The following RARB variants were observed in gnomAD, a reference collection of about 807,000 sequenced individuals.
RARB encodes the protein HBV-activated protein.
In RARB, 17 loss-of-function variants were observed where a neutral mutation model predicts 51.9. That is an observed-to-expected ratio of 0.33 (90% CI 0.22 to 0.49). RARB has a LOEUF of 0.49. RARB is among the 20% of genes least tolerant of loss of function. The pLI, the probability that RARB is intolerant of heterozygous loss-of-function variation, is 0.99. For synonymous variants in RARB, 215 were observed against 195.4 expected (o/e 1.10, Z -0.84); for missense variants, 369 against 550.8 (o/e 0.67, Z 3.30).
At chr3:25,395,394 T>G (rs1707087205) in intron 5 of RARB, among the ~76,000 whole-genome samples, 1 of 152,178 alleles carries the variant, frequency 6.6e-6, no homozygotes, top group Admixed American at 6.5e-5. Context: ...GATCTTTTTT[T>G]GCAATGAATT....
rs550597509 is a variant in RARB, at chr3:25,332,223, AAAAG to A, written c.179-128968_179-128965del. On this transcript the variant is annotated intron_variant, in intron 5 of 11. Transcript: ENST00000383772. ...CAAAGCATGGCAGAGACACAACAAA[AAAAG>A]AGAATTGTAGACCAATATCCCTGAT... Among the ~76,000 whole-genome samples the A allele has an allele frequency of 4.5e-3, 682 of 152,308 alleles. 5 individuals carry two copies. Among genetic ancestry groups the A allele is most frequent in the African/African-American group, 0.015 (637 of 41,558 alleles).
intron 2 of RARB, among the ~76,000 whole-genome samples, chr3:24,868,875 C>A (rs748873531): frequency 1.3e-5 from 2 of 152,098 alleles, no homozygotes; most frequent in African/African-American, 2.4e-5. Flanking sequence ...CCTTTCTGGG[C>A]CAAACCAATG....
At chr3:25,206,004 A>G (rs1701535262) in intron 5 of RARB, among the ~76,000 whole-genome samples, 1 of 152,194 alleles carries the variant, frequency 6.6e-6, no homozygotes, top group Non-Finnish European at 1.5e-5. Flanking sequence ...AAGCATGTTT[A>G]AGGTAGACTA....
chr3:24,896,738 A>G (rs77088464), intron 2 of RARB, among the ~76,000 whole-genome samples: 7,903 of 152,172 alleles, frequency 0.052, 458 homozygotes, highest in East Asian at 0.19. Context: ...TCCTCTTCCT[A>G]TTTCTCCCAA....
At chr3:25,516,834 C>A (rs1056033361) in intron 3 of RARB, among the ~76,000 whole-genome samples, 1 of 152,114 alleles carries the variant, frequency 6.6e-6, no homozygotes. Flanking sequence ...GCCATGTTGG[C>A]CAGGCTGATC....
At chr3:25,521,758 G>A (rs1448575072) in intron 3 of RARB, among the ~76,000 whole-genome samples, 1 of 152,154 alleles carries the variant, frequency 6.6e-6, no homozygotes, top group Non-Finnish European at 1.5e-5. Context: ...CAAGGGCATT[G>A]AGGCAATAAT....
intron 5 of RARB, among the ~76,000 whole-genome samples, chr3:25,363,610 A>C (rs1270895773): frequency 1.3e-5 from 2 of 152,120 alleles, no homozygotes; most frequent in African/African-American, 2.4e-5. Context: ...CTTCTCCACT[A>C]CCATCATCCT....
At chr3:25,060,652 G>GA (rs1170267571) in intron 3 of RARB, among the ~76,000 whole-genome samples, 8 of 151,676 alleles carry the variant, frequency 5.3e-5, no homozygotes, top group Admixed American at 4.0e-4. Context: ...AATACAGAAG[G>GA]AAAAAAATCA....
At chr3:25,397,886 A>AG (rs901534707) in intron 5 of RARB, among the ~76,000 whole-genome samples, 4 of 43,604 alleles carry the variant, frequency 9.2e-5, no homozygotes, top group Admixed American at 3.4e-4. Flanking sequence ...TGTTTTGATT[A>AG]GAAAAAAAAA....
At chr3:25,192,910 C>T (rs889471888) in intron 5 of RARB, among the ~76,000 whole-genome samples, 2 of 152,028 alleles carry the variant, frequency 1.3e-5, no homozygotes, top group African/African-American at 4.8e-5. Context: ...CTTCTAGGCT[C>T]TTAGAATGTA....
chr3:25,036,593 G>A (rs1276176069), intron 2 of RARB, among the ~76,000 whole-genome samples: 1 of 152,098 alleles, frequency 6.6e-6, no homozygotes, highest in African/African-American at 2.4e-5. Flanking sequence ...CCAGTGGAAA[G>A]GGACAACAAA....
chr3:24,915,898 G>A (rs551659614), intron 2 of RARB, among the ~76,000 whole-genome samples: 2 of 152,232 alleles, frequency 1.3e-5, no homozygotes, highest in African/African-American at 4.8e-5. Flanking sequence ...AGCTGGAAGG[G>A]GAAACCTTAG....
rs1575433307 is a variant in RARB at position 25,468,809 on chromosome 3, A to G, written c.306+7468A>G. On this transcript the variant is annotated intron_variant, in intron 2 of 7. Transcript: ENST00000330688. Reference sequence around the variant, plus strand: ...GACAGTTAGCAGGCAGAACCCACACATGGGCATGTTCCCAGATGCAGCTTT... The same window carrying G: ...GACAGTTAGCAGGCAGAACCCACACGTGGGCATGTTCCCAGATGCAGCTTT... Among the ~76,000 whole-genome samples the G allele has an allele frequency of 3.9e-5, 6 of 152,328 alleles. No individual in the cohort carries two copies. The South Asian group carries it at 1.2e-3, about 32-fold the overall frequency.
At chr3:25,085,202 T>A (rs991886557) in intron 3 of RARB, among the ~76,000 whole-genome samples, 2 of 152,210 alleles carry the variant, frequency 1.3e-5, no homozygotes, top group African/African-American at 4.8e-5. Context: ...AGCAATAGTG[T>A]CATCTATTCA....
chr3:25,028,880 AT>A (rs1413118764), intron 2 of RARB, among the ~76,000 whole-genome samples: 1 of 152,100 alleles, frequency 6.6e-6, no homozygotes, highest in Non-Finnish European at 1.5e-5. Flanking sequence ...GCTCTCGTGA[AT>A]TTACCAAATG....
At chr3:25,397,056 G>A (rs775656284) in intron 5 of RARB, among the ~76,000 whole-genome samples, 26 of 152,104 alleles carry the variant, frequency 1.7e-4, no homozygotes, top group Non-Finnish European at 1.0e-4. Flanking sequence ...CACTGCCCCC[G>A]CAACCTCAGA....
At chr3:25,323,691 A>AG (rs1205243888) in intron 5 of RARB, among the ~76,000 whole-genome samples, 2 of 152,346 alleles carry the variant, frequency 1.3e-5, no homozygotes, top group East Asian at 3.9e-4. Context: ...TAGATAATGA[A>AG]GGGCCACACA....
intron 2 of RARB, among the ~76,000 whole-genome samples, chr3:24,971,758 C>T (rs1188118074): frequency 1.3e-5 from 2 of 151,914 alleles, no homozygotes; most frequent in Admixed American, 1.3e-4. Context: ...TATGCGCTGG[C>T]TATTTGGTGT....
chr3:25,095,053 T>C (rs371688205), intron 3 of RARB, among the ~76,000 whole-genome samples: 9 of 152,208 alleles, frequency 5.9e-5, no homozygotes, highest in African/African-American at 2.2e-4. Context: ...CTCTTCCTCC[T>C]TCTGGCCTCT....
Sources: allele counts gnomAD v4.1 joint callset (sites outside exome capture counted in the v4.1 genomes callset), GRCh38; gene constraint gnomAD v4.1.1; transcripts MANE v1.5; gene names NCBI Gene and HGNC (gene_info 2026-07-23, HGNC 2026-07-21).